THRB: variants seen among roughly 807,000 people sequenced by gnomAD.
The protein encoded by THRB is thyroid hormone receptor beta, also known as nuclear receptor subfamily 1 group A member 2.
In THRB, 12 loss-of-function variants were observed where a neutral mutation model predicts 47.8. The observed-to-expected ratio is 0.25, with a 90% CI of 0.16 to 0.41. The LOEUF is 0.41. THRB is among the 10% of genes least tolerant of loss of function. The probability of loss-of-function intolerance (pLI) is 1.00; values close to 1 mark genes in which losing one functional copy is unlikely to be tolerated. For missense variants in THRB, 348 were observed against 589.2 expected, an observed-to-expected ratio of 0.59 and a Z score of 4.24; for synonymous variants, 218 against 212.2, an observed-to-expected ratio of 1.03 and a Z score of -0.24.
intron 1 of THRB, among the ~76,000 whole-genome samples, chr3:24,396,518 C>T (rs28660392): frequency 6.6e-6 from 1 of 152,102 alleles, no homozygotes; most frequent in Non-Finnish European, 1.5e-5. Context: ...CACTGTGATG[C>T]TAATTGTCAC....
At chr3:24,399,854 C>A (rs78676427) in intron 1 of THRB, among the ~76,000 whole-genome samples, 3 of 152,190 alleles carry the variant, frequency 2.0e-5, no homozygotes, top group African/African-American at 7.2e-5. Flanking sequence ...CATTCTTGGT[C>A]TCCAGTTGAA....
intron 1 of THRB, among the ~76,000 whole-genome samples, chr3:24,397,619 GAGAT>G (rs2067065960): frequency 2.1e-5 from 2 of 97,070 alleles, no homozygotes; most frequent in African/African-American, 7.9e-5. Flanking sequence ...TTTTTTTTCT[GAGAT>G]AGAGTGTCAC....
At chr3:24,145,598 G>C (rs150822784) in intron 7 of THRB, among the ~76,000 whole-genome samples, 86 of 152,314 alleles carry the variant, frequency 5.6e-4, no homozygotes, top group African/African-American at 2.1e-3. Context: ...TACTCAGCCA[G>C]AGGTGGGGAT....
intron 3 of THRB, among the ~76,000 whole-genome samples, chr3:24,289,022 CTG>C (rs1001715958): frequency 6.6e-6 from 1 of 152,182 alleles, no homozygotes; most frequent in African/African-American, 2.4e-5. Context: ...TGATTTCTGA[CTG>C]TTGTCCAGAG....
intron 2 of THRB, among the ~76,000 whole-genome samples, chr3:24,328,979 C>T (rs2061750427): frequency 6.6e-6 from 1 of 152,004 alleles, no homozygotes; most frequent in Admixed American, 6.6e-5. Flanking sequence ...CAGGGTCTCC[C>T]TCTGTCACCC....
intron 5 of THRB, among the ~76,000 whole-genome samples, chr3:24,167,118 C>A (rs1056164965): frequency 6.6e-6 from 1 of 151,940 alleles, no homozygotes; most frequent in Non-Finnish European, 1.5e-5. Flanking sequence ...AGTAAAGGAG[C>A]CATAGACTCA....
At chr3:24,320,187 G>T (rs1054867363) in intron 2 of THRB, among the ~76,000 whole-genome samples, 1 of 152,170 alleles carries the variant, frequency 6.6e-6, no homozygotes, top group African/African-American at 2.4e-5. Context: ...GAAAAACTTT[G>T]CAGAAATGTG....
intron 3 of THRB, among the ~76,000 whole-genome samples, chr3:24,270,269 CA>C (rs966881700): frequency 6.6e-6 from 1 of 152,194 alleles, no homozygotes; most frequent in Non-Finnish European, 1.5e-5. Context: ...TACTACTGGA[CA>C]GGGTGCAATT....
At chr3:24,478,491 C>T (rs1695822047) in intron 1 of THRB, among the ~76,000 whole-genome samples, 1 of 152,012 alleles carries the variant, frequency 6.6e-6, no homozygotes, top group South Asian at 2.1e-4. Context: ...GAGCAGAAAC[C>T]TTTAAAAAGG....
intron 10 of THRB, among the ~76,000 whole-genome samples, chr3:24,125,005 A>G (rs1272088200): frequency 6.6e-6 from 1 of 152,212 alleles, no homozygotes; most frequent in Non-Finnish European, 1.5e-5. Flanking sequence ...AACTGGGAAG[A>G]ATCATTCAGT....
At chr3:24,357,378 A>AAAAAAAAAAAAAAAAAAAAAAC (rs1560011027) in intron 1 of THRB, among the ~76,000 whole-genome samples, 18 of 141,198 alleles carry the variant, frequency 1.3e-4, no homozygotes, top group African/African-American at 4.5e-4. Flanking sequence ...AAAAAAACAA[A>AAAAAAAAAAAAAAAAAAAAAAC]AAACAAACAA....
chr3:24,346,424 T>TG (rs1318880227), intron 1 of THRB, among the ~76,000 whole-genome samples: 1 of 151,988 alleles, frequency 6.6e-6, no homozygotes, highest in Non-Finnish European at 1.5e-5. Context: ...AGTAAATAAC[T>TG]GGGGCAAATA....
intron 6 of THRB, 37 bp downstream of exon 6, chr3:24,152,352 TG>T: frequency 8.9e-7 from 1 of 1,123,478 alleles, no homozygotes; most frequent in Non-Finnish European, 1.4e-6. Flanking sequence ...GGACTGGAGC[TG>T]GGCTAAGCTC....
At chr3:24,243,453 C>CT (rs1418565594) in intron 3 of THRB, among the ~76,000 whole-genome samples, 2 of 151,998 alleles carry the variant, frequency 1.3e-5, no homozygotes, top group South Asian at 2.1e-4. Flanking sequence ...TATGTGCCCC[C>CT]TACAAGAGGG....
chr3:24,238,944 CTTTT>C (rs548620071), intron 3 of THRB, among the ~76,000 whole-genome samples: 3 of 141,044 alleles, frequency 2.1e-5, no homozygotes, highest in Non-Finnish European at 4.7e-5. Flanking sequence ...GCATTAGGTT[CTTTT>C]TTTTTTTTTT....
At chr3:24,124,537 C>T (rs767415394) in intron 10 of THRB, among the ~76,000 whole-genome samples, 24 of 152,138 alleles carry the variant, frequency 1.6e-4, no homozygotes, top group African/African-American at 4.6e-4. Context: ...AATGACATAG[C>T]GAGTACAAAT....
intron 3 of THRB, among the ~76,000 whole-genome samples, chr3:24,237,805 G>T (rs1184937141): frequency 6.6e-6 from 1 of 152,118 alleles, no homozygotes; most frequent in Admixed American, 6.5e-5. Context: ...TTGAGGACTA[G>T]GTCAGCAGTG....
At chr3:24,152,968 AAAAAAGAAAGAAAG>A (rs201192359) in intron 5 of THRB, among the ~76,000 whole-genome samples, 23,427 of 97,940 alleles carry the variant, frequency 0.24, 2,043 homozygotes, top group Admixed American at 0.41. Context: ...GCCAAAAAAA[AAAAAAGAAAGAAAG>A]AAAGAAAGAA....
chr3:24,170,946 AATCGATCCAGTT>A (rs1575571961), intron 5 of THRB, among the ~76,000 whole-genome samples: 1 of 152,312 alleles, frequency 6.6e-6, no homozygotes, highest in East Asian at 1.9e-4. Flanking sequence ...GTCTGTCTAA[AATCGATCCAGTT>A]TGTTCTTTTA....
Sources: gnomAD v4.1 joint callset for allele counts (sites outside exome capture counted in the v4.1 genomes callset) on GRCh38, gnomAD v4.1.1 for gene constraint, MANE v1.5 for transcripts, NCBI Gene and HGNC (gene_info 2026-07-23, HGNC 2026-07-21) for gene names.